The following CDK11B variants were observed in gnomAD, a reference collection of about 807,000 sequenced individuals.
The protein encoded by CDK11B is cyclin dependent kinase 11B.
Under a neutral mutation model 84.0 loss-of-function variants are expected in CDK11B, and 37 were observed. The ratio of observed to expected loss-of-function variants is 0.44; its 90% CI spans 0.34 to 0.58. The LOEUF (loss-of-function observed/expected upper bound fraction) is 0.58. CDK11B is among the 20% of genes least tolerant of loss of function. The pLI is 0.02. For missense variants in CDK11B, 427 were observed against 834.0 expected, an observed-to-expected ratio of 0.51 and a Z score of 6.01; for synonymous variants, 269 against 309.8, an observed-to-expected ratio of 0.87 and a Z score of 1.38.
At chr1:1,641,362 A>C (rs1640271941) in intron 9 of CDK11B, among the ~76,000 whole-genome samples, 1 of 148,066 alleles carries the variant, frequency 6.8e-6, no homozygotes, top group Non-Finnish European at 1.5e-5. Context: ...TAAAAAAATT[A>C]TCCGGGCGTG....
intron 5 of CDK11B, chr1:1,645,723 G>A (rs376134689): frequency 6.6e-5 from 22 of 333,374 alleles, no homozygotes; most frequent in African/African-American, 4.6e-4. Flanking sequence ...CTTTCCATTC[G>A]ATCGGTGTTT....
chr1:1,644,977 G>C (rs1342498856), intron 6 of CDK11B, 149 bp downstream of exon 6: 1 of 659,176 alleles, frequency 1.5e-6, no homozygotes, highest in Admixed American at 2.8e-5. Flanking sequence ...TGGGGGACAA[G>C]AGCAAAACTC....
Position 1,636,327 on chromosome 1 carries a change from G to T in CDK11B, c.2066+6C>A, listed in dbSNP as rs772766087. ...ACCTCCCGCCACCCGGCTGCACTGGGCTCACTTGTTCATGAGGTCGAAGCC... is the reference window on the plus strand; with the variant it reads ...ACCTCCCGCCACCCGGCTGCACTGGTCTCACTTGTTCATGAGGTCGAAGCC... On this transcript the variant is annotated splice_donor_region_variant and intron_variant, in intron 18 of 19. Transcript: ENST00000341832. 5 of 1,563,634 alleles carry T rather than the reference G, an allele frequency of 3.2e-6. No homozygotes were observed. In the South Asian group the frequency reaches 5.9e-5, roughly 18 times the overall value.
chr1:1,636,657 G>T lies in CDK11B; in HGVS notation c.1917+25C>A, dbSNP rs762196646. 4.3e-6 allele frequency: 7 copies of T among 1,613,350 alleles called. No homozygotes were observed. In the South Asian group the frequency reaches 6.6e-5, roughly 15 times the overall value. The stretch of plus-strand genomic sequence containing the variant: ...TGCAACTCCTCCACAACCCCACAGC[G>T]CACCTGCAGCAGGGCCAGACCCACC... On this transcript the variant is annotated intron_variant, in intron 17 of 19. Transcript: ENST00000341832.
intron 4 of CDK11B, 106 bp downstream of exon 4, chr1:1,652,333 T>C: frequency 1.0e-6 from 1 of 967,426 alleles, no homozygotes; most frequent in Non-Finnish European, 1.5e-6. Context: ...CAGCTAGAGT[T>C]TGCTTTCTCT....
chr1:1,654,128 G>A lies in CDK11B; in HGVS notation c.227+1241C>T, dbSNP rs749414379. On this transcript the variant is annotated intron_variant, in intron 3 of 19. Transcript: ENST00000341832. ...AAAATTCACACCTTAAGCTTCTCAGGAAAACCATTATACCGTAATTTCTGG... is the reference window on the plus strand; with the variant it reads ...AAAATTCACACCTTAAGCTTCTCAGAAAAACCATTATACCGTAATTTCTGG... 6.5e-5 allele frequency: 30 copies of A among 464,748 alleles called. 2 individuals are homozygous for A. The highest frequency in any genetic ancestry group is 9.3e-5 in the Admixed American group (4 of 43,008). 28.8% of individuals were successfully genotyped at this position (464,748 alleles called of 1,614,324 possible).
chr1:1,655,142 C>G (rs1402135938), intron 3 of CDK11B, among the ~76,000 whole-genome samples: 1 of 152,076 alleles, frequency 6.6e-6, no homozygotes, highest in Non-Finnish European at 1.5e-5. Context: ...TGGCAAAGTT[C>G]TTTACAGAAA....
Position 1,652,575 on chromosome 1 carries a change from A to C in CDK11B, c.228-9T>G. The C allele has an allele frequency of 6.9e-7, 1 of 1,453,148 alleles. No individual in the cohort carries two copies. The highest frequency in any genetic ancestry group is 9.0e-7 in the Non-Finnish European group (1 of 1,107,816). 90.0% of individuals were successfully genotyped at this position (1,453,148 alleles called of 1,614,324 possible). A position where few individuals can be genotyped will look rare whatever the true frequency, so the allele number is the denominator to read the frequency against. On this transcript the variant is annotated splice_polypyrimidine_tract_variant and intron_variant, in intron 3 of 19. Transcript: ENST00000341832. ...AATCATCTTCTTCTCCTCTGAAATA[A>C]AACACAACAGCACTGCATCATGCTT... is the stretch of plus-strand genomic sequence containing the variant.
rs1301675317 is a variant in CDK11B at position 1,652,439 on chromosome 1, C to T, written c.355G>A (p.Gly119Arg). The change falls in exon 4 of 20, where the codon GGG (glycine) becomes AGG (arginine). Residue 119 changes from glycine to arginine, a missense_variant and splice_region_variant. Gly to Arg is a moderately radical substitution (Grantham distance 125). Around this residue, in one of 12 missense-constraint regions of CDK11B, gnomAD observed 71 missense variants for 66.2 expected, o/e 1.07. Coordinates refer to ENST00000341832, the MANE Select transcript of CDK11B (RefSeq NM_033486.3). ...TCAAAGAAAGTAAATGCTTCTGTAC[C>T]CCCTTCTGCTGAATGGCTACGATGC... ...RRHRSHSAEGGKHARVKEKER... is the reference protein window; with the variant it reads ...RRHRSHSAEGRKHARVKEKER... The T allele has an allele frequency of 6.7e-7, 1 of 1,495,056 alleles. No individual in the cohort carries two copies. The highest frequency in any genetic ancestry group is 8.8e-7 in the Non-Finnish European group (1 of 1,131,296). The allele number at this position is 1,495,056 out of a possible 1,614,324, so 92.6% of individuals were successfully genotyped here.
chr1:1,654,725 C>G, intron 3 of CDK11B, among the ~76,000 whole-genome samples: 1 of 150,104 alleles, frequency 6.7e-6, no homozygotes, highest in East Asian at 1.9e-4. Flanking sequence ...GTGACATGAT[C>G]TTGTCTCACT....
chr1:1,649,566 T>C lies in CDK11B; in HGVS notation c.427A>G (p.Lys143Glu), dbSNP rs1465175604. The change falls in exon 5 of 20, where the codon AAA becomes GAA. Residue 143 changes from lysine (K) to glutamate (E), a missense_variant. This residue lies in a region of CDK11B where 71 missense variants were observed against 66.2 expected (regional missense o/e 1.07). Coordinates refer to ENST00000341832, the MANE Select transcript of CDK11B (RefSeq NM_033486.3). ...RRKRHREEQD[K>E]ARREWERQKR... Reference sequence around the variant, plus strand: ...TGTCTTTCCCATTCCCGGCGAGCTTTATCCTGTTCTTCTCGATGCCGTTTC... The same window carrying C: ...TGTCTTTCCCATTCCCGGCGAGCTTCATCCTGTTCTTCTCGATGCCGTTTC... 4 of 1,605,882 alleles carry C rather than the reference T, an allele frequency of 2.5e-6. No individual in the cohort carries two copies. The highest frequency in any genetic ancestry group is 3.3e-5 in the Admixed American group (2 of 59,984).
At chr1:1,650,855 C>T (rs1185345629) in intron 4 of CDK11B, among the ~76,000 whole-genome samples, 5 of 151,900 alleles carry the variant, frequency 3.3e-5, no homozygotes, top group African/African-American at 9.7e-5. Flanking sequence ...CTGCAGTAAG[C>T]GTCTAATTAT....
At chr1:1,645,750 G>A (rs1640997295) in intron 5 of CDK11B, 1 of 332,830 alleles carries the variant, frequency 3.0e-6, no homozygotes, top group African/African-American at 2.2e-5. Flanking sequence ...TGGATTTTGG[G>A]CTCTGTGGTT....
At chr1:1,657,803 C>T (rs1224843789) in intron 1 of CDK11B, among the ~76,000 whole-genome samples, 1 of 115,706 alleles carries the variant, frequency 8.6e-6, no homozygotes, top group African/African-American at 3.7e-5. Context: ...AAGGAGGCTG[C>T]TAGAGGCAGG....
chr1:1,637,268 A>G lies in CDK11B; in HGVS notation c.1571-66T>C, dbSNP rs548142123. The stretch of plus-strand genomic sequence containing the variant: ...CAGCCCAGGGCACTCAGGGTGGCCC[A>G]CTCGCCTCGGCAGCAACAGAGGCTT... On this transcript the variant is annotated intron_variant, in intron 14 of 19. Transcript: ENST00000341832. 1.2e-3 allele frequency: 1,919 copies of G among 1,589,174 alleles called. 13 individuals carry two copies. The African/African-American group carries it at 0.016, about 14-fold the overall frequency.
intron 11 of CDK11B, among the ~76,000 whole-genome samples, chr1:1,640,004 G>C (rs1389083732): frequency 7.8e-4 from 118 of 151,648 alleles, no homozygotes; most frequent in South Asian, 4.2e-4. Context: ...GGGCAGCAGT[G>C]ACAGCAGCGC....
chr1:1,655,574 C>T (rs184764761), intron 2 of CDK11B, 90 bp from the exon 3 acceptor site: 2 of 1,448,896 alleles, frequency 1.4e-6, no homozygotes, highest in African/African-American at 2.9e-5. Flanking sequence ...CAAACCTGGG[C>T]AACATCCCAA....
intron 3 of CDK11B, among the ~76,000 whole-genome samples, chr1:1,654,348 C>T (rs775951635): frequency 2.0e-5 from 3 of 152,180 alleles, no homozygotes; most frequent in Admixed American, 1.3e-4. Flanking sequence ...CTATTCTAGG[C>T]TCTGTCAGGG....
At chr1:1,657,224 T>C (rs1344935362) in intron 2 of CDK11B, 151 bp downstream of exon 2, 1 of 1,613,902 alleles carries the variant, frequency 6.2e-7, no homozygotes, top group South Asian at 1.1e-5. Context: ...TTGAATGTTT[T>C]TGTTAATTTT....
Sources: gnomAD v4.1 joint callset for allele counts (sites outside exome capture counted in the v4.1 genomes callset) on GRCh38, gnomAD v4.1.1 for gene constraint, gnomAD v4.1.1 regional missense constraint, MANE v1.5 for transcripts, NCBI Gene and HGNC (gene_info 2026-07-23, HGNC 2026-07-21) for gene names.